ATF6: variants seen among roughly 807,000 people sequenced by gnomAD.
The protein encoded by ATF6 is cyclic AMP-dependent transcription factor ATF-6 alpha.
ATF6 carries 53 observed loss-of-function variants against 83.6 expected under a neutral mutation model. The ratio of observed to expected loss-of-function variants is 0.63; its 90% CI spans 0.51 to 0.80. The LOEUF is 0.80. Ranked by LOEUF, ATF6 falls within the 30% of genes least tolerant of loss-of-function variation. ATF6 has a pLI of 0.00. For synonymous variants in ATF6, 288 were observed against 285.8 expected (o/e 1.01, Z -0.08); for missense variants, 744 against 797.9 (o/e 0.93, Z 0.81).
At chr1:161,830,410 C>T (rs1686023396) in intron 9 of ATF6, among the ~76,000 whole-genome samples, 1 of 152,176 alleles carries the variant, frequency 6.6e-6, no homozygotes, top group Non-Finnish European at 1.5e-5. Context: ...CTCCATCAAG[C>T]TACCAATGAC....
chr1:161,877,407 C>G (rs890429448), intron 14 of ATF6, among the ~76,000 whole-genome samples: 5 of 152,034 alleles, frequency 3.3e-5, no homozygotes, highest in African/African-American at 1.2e-4. Context: ...ATATCTCAAA[C>G]ATGGGGGGAA....
intron 14 of ATF6, among the ~76,000 whole-genome samples, chr1:161,885,270 G>A (rs544830578): frequency 1.3e-5 from 2 of 152,228 alleles, no homozygotes; most frequent in African/African-American, 4.8e-5. Flanking sequence ...TAAACAGTAG[G>A]AGCATGAGTC....
chr1:161,928,083 TC>T (rs1688354081), intron 15 of ATF6, among the ~76,000 whole-genome samples: 1 of 152,184 alleles, frequency 6.6e-6, no homozygotes, highest in Non-Finnish European at 1.5e-5. Context: ...TTGCATTTGG[TC>T]CTCATAAAGC....
chr1:161,927,020 C>G (rs769921961), intron 15 of ATF6, among the ~76,000 whole-genome samples: 2 of 151,942 alleles, frequency 1.3e-5, no homozygotes, highest in Non-Finnish European at 2.9e-5. Flanking sequence ...GCGCATAGCA[C>G]TATGCCAAGT....
chr1:161,777,536 G>C (rs1684543440), intron 1 of ATF6, among the ~76,000 whole-genome samples: 1 of 152,178 alleles, frequency 6.6e-6, no homozygotes, highest in Non-Finnish European at 1.5e-5. Context: ...AGTGCTTAAA[G>C]TTTTGAAAGT....
intron 8 of ATF6, 116 bp from the exon 9 acceptor site, chr1:161,820,954 T>C (rs1167882103): frequency 7.3e-6 from 4 of 546,052 alleles, no homozygotes; most frequent in Non-Finnish European, 1.2e-5. Flanking sequence ...TAAGACAAGG[T>C]ATTTGTAAGA....
intron 14 of ATF6, among the ~76,000 whole-genome samples, chr1:161,870,132 T>G (rs886084414): frequency 2.1e-4 from 32 of 151,916 alleles, no homozygotes; most frequent in African/African-American, 7.2e-4. Flanking sequence ...ATCAAGATAT[T>G]TCATTGAAAA....
chr1:161,961,172 C>T lies in ATF6; in HGVS notation c.*2518C>T, dbSNP rs1689092270. On this transcript the variant is annotated 3_prime_UTR_variant, in exon 16 of 16. Transcript: ENST00000367942. ...ATGTCATACTCACCAACGTTAGTCC[C>T]TCTCTTCCAGGTGAAAAGGTGGGTA... 6.6e-6 allele frequency: 1 copy of T among 152,246 alleles called. No individual in the cohort carries two copies. The highest frequency in any genetic ancestry group is 1.5e-5 in the Non-Finnish European group (1 of 68,066). 9.4% of individuals were successfully genotyped at this position (152,246 alleles called of 1,614,324 possible).
chr1:161,821,364 A>T (rs1386030998), intron 9 of ATF6, among the ~76,000 whole-genome samples: 1 of 152,186 alleles, frequency 6.6e-6, no homozygotes, highest in Non-Finnish European at 1.5e-5. Flanking sequence ...GTATAATGTG[A>T]TGAACATAAT....
chr1:161,807,699 C>G (rs774028260), intron 7 of ATF6, among the ~76,000 whole-genome samples: 1 of 151,990 alleles, frequency 6.6e-6, no homozygotes, highest in Non-Finnish European at 1.5e-5. Flanking sequence ...TCTTGAATAG[C>G]AGTTCAGTTT....
At chr1:161,844,480 C>T (rs986514136) in intron 9 of ATF6, among the ~76,000 whole-genome samples, 7 of 151,946 alleles carry the variant, frequency 4.6e-5, no homozygotes, top group African/African-American at 1.7e-4. Flanking sequence ...CTAGTTAAAA[C>T]AAGGGGAAAC....
intron 15 of ATF6, among the ~76,000 whole-genome samples, chr1:161,932,026 C>A (rs1415875963): frequency 6.6e-6 from 1 of 152,008 alleles, no homozygotes; most frequent in Non-Finnish European, 1.5e-5. Flanking sequence ...CTATAGGAAC[C>A]AACATTTTTT....
In ATF6 at chr1:161,784,009, A is replaced by G; in HGVS notation, c.267A>G (p.Glu89=). 6.2e-7 allele frequency: 1 copy of G among 1,612,858 alleles called. No individual in the cohort carries two copies. Among genetic ancestry groups the G allele is most frequent in the South Asian group, 1.1e-5 (1 of 91,046 alleles). ...TTCCAGTTAAAGATATTAAGGCAGA[A>G]CCTCAGCCACTTTCTCCAGCCTCCT... ...QICTVKDIKA[E]PQPLSPASSS... is the part of the protein sequence containing the mutation. Residue 89 remains glutamate, a synonymous_variant, in exon 4 of 16, where the codon GAA becomes GAG. Coordinates refer to ENST00000367942, the MANE Select transcript of ATF6 (RefSeq NM_007348.4).
chr1:161,942,475 C>T (rs1050221402), intron 15 of ATF6, among the ~76,000 whole-genome samples: 1 of 152,102 alleles, frequency 6.6e-6, no homozygotes, highest in Non-Finnish European at 1.5e-5. Context: ...CTTGCAACCA[C>T]CCTATGGGTT....
chr1:161,931,822 TTG>T (rs1229235805), intron 15 of ATF6, among the ~76,000 whole-genome samples: 4 of 152,206 alleles, frequency 2.6e-5, no homozygotes, highest in Non-Finnish European at 5.9e-5. Flanking sequence ...TTCTGTGAGT[TTG>T]TCTTTTCACT....
chr1:161,895,412 A>G (rs978417020), intron 14 of ATF6, among the ~76,000 whole-genome samples: 1 of 152,242 alleles, frequency 6.6e-6, no homozygotes, highest in Non-Finnish European at 1.5e-5. Flanking sequence ...CATCATTGCA[A>G]TATAGTATAT....
chr1:161,781,771 C>A (rs1684638929), intron 2 of ATF6, 141 bp from the exon 3 acceptor site: 1 of 566,842 alleles, frequency 1.8e-6, no homozygotes, highest in Non-Finnish European at 3.1e-6. Flanking sequence ...TATTCTCATA[C>A]AAGACTGACT....
rs931349085 is a variant in ATF6 at position 161,962,289 on chromosome 1, T to C, written c.*3635T>C. 3.9e-5 allele frequency: 6 copies of C among 152,002 alleles called. No individual in the cohort carries two copies. Among genetic ancestry groups the C allele is most frequent in the African/African-American group, 1.2e-4 (5 of 41,430 alleles). The allele number at this position is 152,002 out of a possible 1,614,324, so 9.4% of individuals were successfully genotyped here. Reference sequence around the variant, plus strand: ...ACAGAAAAGGAACTTGGGATTCAAATTGATTTTTCAAATCATTTTTAAAGA... The same window carrying C: ...ACAGAAAAGGAACTTGGGATTCAAACTGATTTTTCAAATCATTTTTAAAGA... On this transcript the variant is annotated 3_prime_UTR_variant, in exon 16 of 16. Coordinates refer to ENST00000367942, the MANE Select transcript of ATF6 (RefSeq NM_007348.4).
At chr1:161,953,279 A>G (rs182503315) in intron 15 of ATF6, among the ~76,000 whole-genome samples, 3 of 152,318 alleles carry the variant, frequency 2.0e-5, no homozygotes, top group Non-Finnish European at 4.4e-5. Context: ...CAGTTGTCAT[A>G]TGGGACTGTC....
Sources: allele counts gnomAD v4.1 joint callset (sites outside exome capture counted in the v4.1 genomes callset), GRCh38; gene constraint gnomAD v4.1.1; transcripts MANE v1.5; gene names NCBI Gene and HGNC (gene_info 2026-07-23, HGNC 2026-07-21).